The following SETD4 variants were observed in gnomAD, a reference collection of about 807,000 sequenced individuals.
SETD4 encodes SET domain-containing protein 4.
Under a neutral mutation model 58.3 loss-of-function variants are expected in SETD4, and 46 were observed. The observed-to-expected ratio is 0.79, with a 90% CI of 0.62 to 1.01. The LOEUF is 1.01. Ranked by LOEUF, SETD4 falls within the 50% of genes least tolerant of loss-of-function variation. SETD4 has a pLI of 0.00. For missense variants in SETD4, 490 were observed against 523.3 expected, an observed-to-expected ratio of 0.94 and a Z score of 0.62; for synonymous variants, 190 against 202.6, an observed-to-expected ratio of 0.94 and a Z score of 0.53.
chr21:36,045,182 G>A (rs1335545503), intron 6 of SETD4, among the ~76,000 whole-genome samples: 1 of 152,146 alleles, frequency 6.6e-6, no homozygotes. Context: ...GTCAGTCAGC[G>A]ATCAGAGCGA....
chr21:36,048,265 G>A, intron 5 of SETD4, 43 bp downstream of exon 5: 4 of 1,531,928 alleles, frequency 2.6e-6, no homozygotes, highest in Non-Finnish European at 3.6e-6. Context: ...CAGACCTTAA[G>A]GAGAAGCACT....
intron 11 of SETD4, 56 bp downstream of exon 11, chr21:36,036,029 A>C: frequency 6.6e-7 from 1 of 1,521,678 alleles, no homozygotes; most frequent in Non-Finnish European, 9.1e-7. Flanking sequence ...ATCGACTCTA[A>C]ACTATATAAA....
intron 9 of SETD4, among the ~76,000 whole-genome samples, chr21:36,040,147 C>T (rs2063978430): frequency 6.6e-6 from 1 of 152,206 alleles, no homozygotes. Context: ...CCTGCCTCCC[C>T]CATGGAAAAG....
chr21:36,050,664 G>A (rs2123699131), intron 4 of SETD4: 2 of 1,601,638 alleles, frequency 1.2e-6, no homozygotes, highest in Non-Finnish European at 1.7e-6. Context: ...TGAAGCTCAA[G>A]TACCGGAGTT....
chr21:36,048,263 A>T, intron 5 of SETD4, 45 bp downstream of exon 5: 1 of 1,515,510 alleles, frequency 6.6e-7, no homozygotes, highest in Non-Finnish European at 9.2e-7. Context: ...GACAGACCTT[A>T]AGGAGAAGCA....
At chr21:36,045,460 A>G (rs2064271169) in intron 6 of SETD4, 122 bp downstream of exon 6, 14 of 1,227,782 alleles carry the variant, frequency 1.1e-5, no homozygotes, top group Middle Eastern at 2.9e-4. Context: ...CCAACCTGAC[A>G]GGGTCACCTG....
At chr21:36,047,624 G>T (rs1443139613) in intron 5 of SETD4, among the ~76,000 whole-genome samples, 1 of 151,978 alleles carries the variant, frequency 6.6e-6, no homozygotes, top group Admixed American at 6.6e-5. Flanking sequence ...AGTCAGTGAT[G>T]GATCGGGATA....
At chr21:36,057,415 C>T (rs765967134) in intron 2 of SETD4, 30 of 710,274 alleles carry the variant, frequency 4.2e-5, no homozygotes, top group Middle Eastern at 2.3e-4. Context: ...GAGGCCAAGG[C>T]GGGAGGACTG....
chr21:36,042,034 T>C (rs2064090167), intron 7 of SETD4, 146 bp from the exon 8 acceptor site: 2 of 524,366 alleles, frequency 3.8e-6, no homozygotes, highest in Non-Finnish European at 3.4e-6. Flanking sequence ...GGAAATCTAC[T>C]CTTCAAGTCC....
At chr21:36,036,055 C>T in intron 11 of SETD4, 30 bp downstream of exon 11, 1 of 1,607,096 alleles carries the variant, frequency 6.2e-7, no homozygotes, top group African/African-American at 1.3e-5. Context: ...TCCATCAAAC[C>T]TTAGTCTAAA....
intron 2 of SETD4, among the ~76,000 whole-genome samples, chr21:36,058,598 G>A (rs903629467): frequency 6.6e-6 from 1 of 151,924 alleles, no homozygotes; most frequent in African/African-American, 2.4e-5. Flanking sequence ...CACGCCTGTA[G>A]TCCCAGCTAC....
intron 2 of SETD4, among the ~76,000 whole-genome samples, chr21:36,057,789 G>C (rs530012564): frequency 1.3e-5 from 2 of 152,284 alleles, no homozygotes; most frequent in Admixed American, 6.5e-5. Context: ...CAGAAAATAG[G>C]AAGAGGTCCA....
intron 4 of SETD4, chr21:36,050,831 T>C: frequency 6.2e-7 from 1 of 1,611,478 alleles, no homozygotes; most frequent in African/African-American, 1.3e-5. Flanking sequence ...GGGATGTACG[T>C]GTCATTGTCG....
Position 36,053,592 on chromosome 21 carries a change from T to C in SETD4, c.198A>G (p.Thr66=). 13 of 1,614,108 alleles carry C rather than the reference T, an allele frequency of 8.1e-6. No individual in the cohort carries two copies. Among genetic ancestry groups the C allele is most frequent in the Non-Finnish European group, 1.1e-5 (13 of 1,180,002 alleles). ...PGTGRGLMSQ[T]SLQEGQMIIS... is the part of the protein sequence containing the mutation. ...AAAGAACAGTTCTCACCTGCAGGGA[T>C]GTTTGACTCATCAGCCCTCTTCCTG... is the stretch of plus-strand genomic sequence containing the variant. Residue 66 remains threonine (T), a synonymous_variant, in exon 4 of 12, where the codon ACA becomes ACG. Transcript: ENST00000332131.
intron 8 of SETD4, among the ~76,000 whole-genome samples, chr21:36,040,898 C>T (rs775600190): frequency 6.6e-6 from 1 of 152,078 alleles, no homozygotes. Flanking sequence ...CAGTGCCTCA[C>T]GCCTGTAATC....
At chr21:36,037,290 A>ATACG (rs1321341943) in intron 10 of SETD4, among the ~76,000 whole-genome samples, 1 of 51,160 alleles carries the variant, frequency 2.0e-5, no homozygotes, top group Non-Finnish European at 4.7e-5. Flanking sequence ...CTATAAATAT[A>ATACG]TACAATTTTT....
At chr21:36,050,345 T>C (rs1205312393) in intron 4 of SETD4, 5 of 1,613,458 alleles carry the variant, frequency 3.1e-6, no homozygotes, top group Non-Finnish European at 3.4e-6. Flanking sequence ...ACTTTAGGGC[T>C]GTGGTGATGG....
chr21:36,048,061 G>GAGGGAGGA, intron 5 of SETD4, among the ~76,000 whole-genome samples: 1 of 142,462 alleles, frequency 7.0e-6, no homozygotes. Context: ...GGAAGAGAGG[G>GAGGGAGGA]AGGGAGGGAG....
chr21:36,059,834 G>C (rs1317583473), intron 1 of SETD4: 1 of 985,354 alleles, frequency 1.0e-6, no homozygotes, highest in Non-Finnish European at 1.2e-6. Context: ...AACGAAAGTC[G>C]GCATGTCCAG....
Sources: gnomAD v4.1 joint callset for allele counts (sites outside exome capture counted in the v4.1 genomes callset) on GRCh38, gnomAD v4.1.1 for gene constraint, MANE v1.5 for transcripts, NCBI Gene and HGNC (gene_info 2026-07-23, HGNC 2026-07-21) for gene names.